The following GALNTL6 variants were observed in gnomAD, a reference collection of about 807,000 sequenced individuals.
GALNTL6 encodes polypeptide N-acetylgalactosaminyltransferase-like 6.
Under a neutral mutation model 73.7 loss-of-function variants are expected in GALNTL6, and 46 were observed. The ratio of observed to expected loss-of-function variants is 0.62; its 90% CI spans 0.49 to 0.80. GALNTL6 has a LOEUF of 0.80. Among genes scored for constraint, GALNTL6 ranks in the 30% least tolerant of loss-of-function variants. The pLI, the probability that GALNTL6 is intolerant of heterozygous loss-of-function variation, is 0.00. For synonymous variants in GALNTL6, 259 were observed against 263.7 expected (o/e 0.98, Z 0.17); for missense variants, 604 against 755.0 (o/e 0.80, Z 2.34).
At position 172,822,503 on chromosome 4, in the gene GALNTL6, G is replaced by A. The variant is rs147175678; in HGVS notation, c.923+8780G>A. On this transcript the variant is annotated intron_variant, in intron 7 of 12. Coordinates refer to ENST00000506823, the MANE Select transcript of GALNTL6 (RefSeq NM_001034845.3). ...CTGCTCTTCTCTACCCAAACCTTAC[G>A]GTGACTTTTGTTCTAACTATCCTCT... 3.0e-4 allele frequency among the ~76,000 whole-genome samples: 45 copies of A among 152,148 alleles called. 1 individual carries two copies. In the South Asian group the frequency reaches 4.2e-3, roughly 14 times the overall value.
chr4:172,053,605 C>A (rs974269149), intron 2 of GALNTL6, among the ~76,000 whole-genome samples: 3 of 152,104 alleles, frequency 2.0e-5, no homozygotes. Flanking sequence ...CCACTACAAG[C>A]GAACTTAGTG....
intron 7 of GALNTL6, among the ~76,000 whole-genome samples, chr4:172,867,822 G>A (rs1230883715): frequency 1.3e-5 from 2 of 152,178 alleles, no homozygotes; most frequent in African/African-American, 2.4e-5. Flanking sequence ...TGACCACACA[G>A]GGAGGAAAGC....
At chr4:172,131,428 TACACAC>T (rs35699070) in intron 2 of GALNTL6, among the ~76,000 whole-genome samples, 2 of 138,980 alleles carry the variant, frequency 1.4e-5, no homozygotes, top group African/African-American at 2.7e-5. Context: ...TATATATATA[TACACAC>T]ACACACACGC....
chr4:172,748,963 G>A (rs1737270559), intron 5 of GALNTL6, among the ~76,000 whole-genome samples: 1 of 151,838 alleles, frequency 6.6e-6, no homozygotes, highest in Non-Finnish European at 1.5e-5. Flanking sequence ...AGGCTTGAGT[G>A]CAGTGGCATG....
At chr4:172,701,470 A>G (rs1734023962) in intron 5 of GALNTL6, among the ~76,000 whole-genome samples, 1 of 152,134 alleles carries the variant, frequency 6.6e-6, no homozygotes. Flanking sequence ...TTAATAGGAA[A>G]TAATGGGTAA....
chr4:171,901,149 CGGAAAT>C (rs1228096410), intron 2 of GALNTL6, among the ~76,000 whole-genome samples: 2 of 152,118 alleles, frequency 1.3e-5, no homozygotes, highest in African/African-American at 4.8e-5. Flanking sequence ...TACTAAAAGA[CGGAAAT>C]GTTGATACTG....
chr4:172,003,255 A>G (rs1171454062), intron 2 of GALNTL6, among the ~76,000 whole-genome samples: 5 of 152,128 alleles, frequency 3.3e-5, no homozygotes, highest in Non-Finnish European at 7.4e-5. Context: ...TATTACCATG[A>G]CAATCATTAC....
At chr4:171,878,040 A>G (rs923269952) in intron 2 of GALNTL6, among the ~76,000 whole-genome samples, 3 of 152,164 alleles carry the variant, frequency 2.0e-5, no homozygotes, top group Non-Finnish European at 4.4e-5. Context: ...ATGTGAAACA[A>G]TGAGATACAG....
At chr4:172,975,757 G>A (rs1404004877) in intron 10 of GALNTL6, among the ~76,000 whole-genome samples, 1 of 152,180 alleles carries the variant, frequency 6.6e-6, no homozygotes, top group South Asian at 2.1e-4. Context: ...GGAGGAGCCT[G>A]GCATGTCAGT....
chr4:172,380,775 T>C (rs774508594), intron 5 of GALNTL6, among the ~76,000 whole-genome samples: 1 of 152,204 alleles, frequency 6.6e-6, no homozygotes, highest in Non-Finnish European at 1.5e-5. Context: ...TGTTTTGTTT[T>C]GTTTATTACA....
chr4:171,869,421 C>T (rs1170513667), intron 2 of GALNTL6, among the ~76,000 whole-genome samples: 1 of 152,030 alleles, frequency 6.6e-6, no homozygotes, highest in African/African-American at 2.4e-5. Flanking sequence ...TTTTGTCTGC[C>T]TCTTCCTCTT....
At chr4:172,578,853 A>G (rs910291486) in intron 5 of GALNTL6, among the ~76,000 whole-genome samples, 3 of 152,218 alleles carry the variant, frequency 2.0e-5, no homozygotes, top group African/African-American at 7.2e-5. Flanking sequence ...AAATCTGCAT[A>G]AGCGTATTTT....
intron 5 of GALNTL6, among the ~76,000 whole-genome samples, chr4:172,528,045 G>T (rs750747100): frequency 6.6e-6 from 1 of 151,664 alleles, no homozygotes; most frequent in South Asian, 2.1e-4. Flanking sequence ...ATTAATTAAA[G>T]AATTTACAGA....
At chr4:172,133,119 T>C (rs1010980669) in intron 2 of GALNTL6, among the ~76,000 whole-genome samples, 9 of 152,236 alleles carry the variant, frequency 5.9e-5, no homozygotes, top group African/African-American at 2.2e-4. Context: ...TCAATGTGCT[T>C]ATTCTCAAAT....
intron 2 of GALNTL6, among the ~76,000 whole-genome samples, chr4:171,826,860 A>G (rs1258629945): frequency 2.0e-5 from 3 of 152,016 alleles, no homozygotes; most frequent in South Asian, 2.1e-4. Context: ...GCACACCCCT[A>G]TTTTAATTCT....
In GALNTL6 at chr4:172,507,426, T is replaced by C. The variant is rs764254934; in HGVS notation, c.553+158737T>C. Among the ~76,000 whole-genome samples, 16 of 53,984 alleles carry C rather than the reference T, an allele frequency of 3.0e-4. 7 individuals carry two copies. The highest frequency in any genetic ancestry group is 3.8e-4 in the Non-Finnish European group (9 of 23,552). 35.4% of individuals were successfully genotyped at this position (53,984 alleles called of 152,430 possible). On this transcript the variant is annotated intron_variant, in intron 5 of 12. Transcript: ENST00000506823. Reference sequence around the variant, plus strand: ...GGCAGAAGAAGGTCGGGAAAAAACCTCTGAGGCTGTTTATGAGGCCTTCAT... The same window carrying C: ...GGCAGAAGAAGGTCGGGAAAAAACCCCTGAGGCTGTTTATGAGGCCTTCAT...
At chr4:171,882,592 C>T (rs930471241) in intron 2 of GALNTL6, among the ~76,000 whole-genome samples, 2 of 152,140 alleles carry the variant, frequency 1.3e-5, no homozygotes, top group Non-Finnish European at 2.9e-5. Flanking sequence ...CCCGGGCAAA[C>T]TACTGGTGTA....
At chr4:172,763,552 G>A (rs1378201508) in intron 5 of GALNTL6, among the ~76,000 whole-genome samples, 2 of 152,166 alleles carry the variant, frequency 1.3e-5, no homozygotes, top group Non-Finnish European at 2.9e-5. Flanking sequence ...AATGAACTAA[G>A]TAGACGAATA....
At position 172,649,594 on chromosome 4, in the gene GALNTL6, A is replaced by G. The variant is rs1357110917; in HGVS notation, c.554-159767A>G. ...ACTGAATTAAATGTGTGTATAAAGAATTTTTATAAAATTATCTCCTGAATA... is the reference window on the plus strand; with the variant it reads ...ACTGAATTAAATGTGTGTATAAAGAGTTTTTATAAAATTATCTCCTGAATA... On this transcript the variant is annotated intron_variant, in intron 5 of 12. Coordinates refer to ENST00000506823, the MANE Select transcript of GALNTL6 (RefSeq NM_001034845.3). Among the ~76,000 whole-genome samples, 4 of 152,310 alleles carry G rather than the reference A, an allele frequency of 2.6e-5. No homozygotes were observed. The East Asian group carries it at 7.7e-4, about 29-fold the overall frequency.
Sources: allele counts gnomAD v4.1 joint callset (sites outside exome capture counted in the v4.1 genomes callset), GRCh38; gene constraint gnomAD v4.1.1; transcripts MANE v1.5; gene names NCBI Gene and HGNC (gene_info 2026-07-23, HGNC 2026-07-21).